FAM133A: variants seen among roughly 807,000 people sequenced by gnomAD.
FAM133A encodes the protein protein FAM133A.
For synonymous variants in FAM133A, 65 were observed against 58.6 expected (o/e 1.11, Z -0.50); for missense variants, 159 against 164.4 (o/e 0.97, Z 0.18).
intron 2 of FAM133A, among the ~76,000 whole-genome samples, chrX:93,676,627 T>A (rs1414010675): frequency 8.2e-5 from 9 of 109,886 alleles, no homozygotes; most frequent in African/African-American, 3.0e-4. Context: ...TGTTTTTTTT[T>A]TTTTGGATAC....
chrX:93,696,819 C>G (rs1926314202), intron 2 of FAM133A, among the ~76,000 whole-genome samples: 1 of 109,474 alleles, frequency 9.1e-6, no homozygotes, highest in Non-Finnish European at 1.9e-5. Flanking sequence ...ACTCGGGAGG[C>G]TGAGTCAGGA....
At chrX:93,694,122 T>C (rs551118093) in intron 2 of FAM133A, among the ~76,000 whole-genome samples, 3 of 110,673 alleles carry the variant, frequency 2.7e-5, no homozygotes, top group Admixed American at 1.9e-4. Context: ...GAAGCAGAGG[T>C]AGAAATGCAA....
intron 2 of FAM133A, among the ~76,000 whole-genome samples, chrX:93,686,351 G>T (rs1925531535): frequency 9.0e-6 from 1 of 111,284 alleles, no homozygotes; most frequent in Non-Finnish European, 1.9e-5. Flanking sequence ...CTTGCTAGCT[G>T]TGTGGCCTTG....
chrX:93,700,518 C>A (rs1199210995), intron 3 of FAM133A, among the ~76,000 whole-genome samples: 1 of 111,280 alleles, frequency 9.0e-6, no homozygotes, highest in Non-Finnish European at 1.9e-5. Flanking sequence ...ACTGAGTGAT[C>A]CCTCCACATG....
intron 2 of FAM133A, among the ~76,000 whole-genome samples, chrX:93,686,795 T>C (rs147159033): frequency 1.4e-4 from 16 of 112,550 alleles, no homozygotes; most frequent in African/African-American, 5.2e-4. Context: ...ATTTCCAATA[T>C]CTAATGTACA....
At chrX:93,691,275 TA>T (rs1414426613) in intron 2 of FAM133A, among the ~76,000 whole-genome samples, 3 of 111,688 alleles carry the variant, frequency 2.7e-5, no homozygotes, top group Non-Finnish European at 5.7e-5. Context: ...TTTTAGCTCT[TA>T]CCTTTAGATC....
At chrX:93,704,673 T>G (rs1348871558) in intron 3 of FAM133A, among the ~76,000 whole-genome samples, 3 of 112,204 alleles carry the variant, frequency 2.7e-5, no homozygotes, top group Non-Finnish European at 5.6e-5. Context: ...GAAACTACAT[T>G]GTGAAACATT....
At chrX:93,704,917 C>G (rs1926945506) in intron 3 of FAM133A, among the ~76,000 whole-genome samples, 1 of 111,095 alleles carries the variant, frequency 9.0e-6, no homozygotes, top group African/African-American at 3.3e-5. Flanking sequence ...TACTCCCATC[C>G]TGTTTAACTG....
intron 2 of FAM133A, 94 bp from the exon 3 acceptor site, chrX:93,698,303 C>T (rs1364040936): frequency 9.0e-6 from 1 of 111,674 alleles, no homozygotes; most frequent in Admixed American, 9.5e-5. Flanking sequence ...TTTTGTTACT[C>T]TAAGTTTTAG....
At chrX:93,678,802 T>C (rs1437776102) in intron 2 of FAM133A, among the ~76,000 whole-genome samples, 2 of 112,024 alleles carry the variant, frequency 1.8e-5, no homozygotes, top group Non-Finnish European at 3.8e-5. Flanking sequence ...GAAGCTCTAA[T>C]CTGTTCCTTT....
chrX:93,695,970 CTG>C (rs1340622418), intron 2 of FAM133A, among the ~76,000 whole-genome samples: 34 of 111,159 alleles, frequency 3.1e-4, no homozygotes, highest in African/African-American at 1.0e-3. Context: ...AAACTTCACT[CTG>C]TATAATTCTC....
At chrX:93,689,615 T>A (rs1925761796) in intron 2 of FAM133A, among the ~76,000 whole-genome samples, 2 of 111,017 alleles carry the variant, frequency 1.8e-5, no homozygotes, top group Admixed American at 1.9e-4. Context: ...ATATAAGTAG[T>A]GTACTCCATG....
At chrX:93,682,488 A>C (rs1397038156) in intron 2 of FAM133A, among the ~76,000 whole-genome samples, 1 of 112,335 alleles carries the variant, frequency 8.9e-6, no homozygotes, top group Non-Finnish European at 1.9e-5. Flanking sequence ...TTACCTAGGA[A>C]AAGGACCAAG....
intron 3 of FAM133A, among the ~76,000 whole-genome samples, chrX:93,708,479 T>C (rs1219355018): frequency 8.9e-6 from 1 of 111,838 alleles, no homozygotes; most frequent in Non-Finnish European, 1.9e-5. Context: ...GACAATTTGG[T>C]GTTGCCTTAT....
At chrX:93,680,057 A>C (rs1375218937) in intron 2 of FAM133A, among the ~76,000 whole-genome samples, 4 of 105,112 alleles carry the variant, frequency 3.8e-5, no homozygotes, top group African/African-American at 1.4e-4. Context: ...GATTACAGGC[A>C]TGAGCCACTG....
At chrX:93,704,997 A>G (rs1468503045) in intron 3 of FAM133A, among the ~76,000 whole-genome samples, 1 of 111,088 alleles carries the variant, frequency 9.0e-6, no homozygotes, top group Non-Finnish European at 1.9e-5. Flanking sequence ...ATGATATGTC[A>G]GTATCTCAGA....
chrX:93,703,066 A>G (rs1926828868), intron 3 of FAM133A, among the ~76,000 whole-genome samples: 1 of 110,486 alleles, frequency 9.1e-6, no homozygotes, highest in African/African-American at 3.3e-5. Context: ...GCACATGCCT[A>G]TAGTCTCAGC....
chrX:93,695,340 G>A (rs1319459167), intron 2 of FAM133A, among the ~76,000 whole-genome samples: 5 of 110,460 alleles, frequency 4.5e-5, no homozygotes, highest in African/African-American at 1.6e-4. Context: ...TGCAACCTCC[G>A]CCTCCTGGAT....
At chrX:93,697,504 C>T (rs1202091930) in intron 2 of FAM133A, among the ~76,000 whole-genome samples, 1 of 111,516 alleles carries the variant, frequency 9.0e-6, no homozygotes, top group Non-Finnish European at 1.9e-5. Flanking sequence ...AACCAGGTAA[C>T]ACTTTATAAA....
Sources: allele counts gnomAD v4.1 joint callset (sites outside exome capture counted in the v4.1 genomes callset), GRCh38; gene constraint gnomAD v4.1.1; transcripts MANE v1.5; gene names NCBI Gene and HGNC (gene_info 2026-07-23, HGNC 2026-07-21).